The following COMMD10 variants were observed in gnomAD, a reference collection of about 807,000 sequenced individuals.
The protein encoded by COMMD10 is COMM domain containing 10, also known as COMM domain-containing protein 10.
COMMD10 carries 33 observed loss-of-function variants against 28.9 expected under a neutral mutation model. The ratio of observed to expected loss-of-function variants is 1.14; its 90% CI spans 0.87 to 1.53. The LOEUF is 1.53. COMMD10 is among the 40% of genes most tolerant of loss of function. The pLI is 0.00. For missense variants in COMMD10, 310 were observed against 233.4 expected, an observed-to-expected ratio of 1.33 and a Z score of -2.14; for synonymous variants, 110 against 81.7, an observed-to-expected ratio of 1.35 and a Z score of -1.87.
chr5:116,182,120 T>C (rs922359794), intron 5 of COMMD10, among the ~76,000 whole-genome samples: 4 of 151,960 alleles, frequency 2.6e-5, no homozygotes, highest in African/African-American at 9.7e-5. Flanking sequence ...GACATTGAAA[T>C]TGAGACCCAC....
chr5:116,251,588 C>A (rs919250720), intron 5 of COMMD10, among the ~76,000 whole-genome samples: 1 of 151,036 alleles, frequency 6.6e-6, no homozygotes, highest in African/African-American at 2.4e-5. Flanking sequence ...ATGATGATTT[C>A]CAATTTCATC....
At chr5:116,142,712 CTT>C (rs1384755367) in intron 5 of COMMD10, among the ~76,000 whole-genome samples, 1 of 151,698 alleles carries the variant, frequency 6.6e-6, no homozygotes, top group African/African-American at 2.4e-5. Context: ...AGCGCCCCCT[CTT>C]TTAAACTTTT....
intron 5 of COMMD10, among the ~76,000 whole-genome samples, chr5:116,212,253 C>T (rs1448301190): frequency 6.6e-6 from 1 of 152,064 alleles, no homozygotes; most frequent in Non-Finnish European, 1.5e-5. Context: ...GTCACAGCTA[C>T]AATTTGATAA....
intron 5 of COMMD10, among the ~76,000 whole-genome samples, chr5:116,222,202 C>A (rs1156670120): frequency 6.6e-6 from 1 of 152,164 alleles, no homozygotes; most frequent in Non-Finnish European, 1.5e-5. Flanking sequence ...TAATTTAAGT[C>A]TGTTACTCTA....
At chr5:116,221,076 A>G (rs907601492) in intron 5 of COMMD10, among the ~76,000 whole-genome samples, 4 of 124,706 alleles carry the variant, frequency 3.2e-5, no homozygotes, top group Non-Finnish European at 5.1e-5. Context: ...TCCCTTTGAG[A>G]TACTCTTTTT....
chr5:116,087,236 G>C (rs988001157), intron 1 of COMMD10, among the ~76,000 whole-genome samples: 1 of 152,114 alleles, frequency 6.6e-6, no homozygotes, highest in African/African-American at 2.4e-5. Context: ...GCAGTACAAG[G>C]TTTCCCTAGT....
At chr5:116,156,165 A>G (rs1752701220) in intron 5 of COMMD10, among the ~76,000 whole-genome samples, 1 of 152,100 alleles carries the variant, frequency 6.6e-6, no homozygotes, top group African/African-American at 2.4e-5. Context: ...CCAGTTCCAA[A>G]ATAACTCTGT....
intron 5 of COMMD10, among the ~76,000 whole-genome samples, chr5:116,262,200 C>T (rs1217865730): frequency 6.6e-6 from 1 of 151,506 alleles, no homozygotes; most frequent in Non-Finnish European, 1.5e-5. Flanking sequence ...CTGTTTGGAT[C>T]TAGTTGTGTA....
At chr5:116,182,636 G>C (rs1195961074) in intron 5 of COMMD10, among the ~76,000 whole-genome samples, 2 of 151,978 alleles carry the variant, frequency 1.3e-5, no homozygotes, top group African/African-American at 2.4e-5. Flanking sequence ...TATTTGGGGA[G>C]GTTTAAGGGA....
At chr5:116,241,125 T>C (rs978206728) in intron 5 of COMMD10, among the ~76,000 whole-genome samples, 2 of 152,256 alleles carry the variant, frequency 1.3e-5, no homozygotes, top group East Asian at 1.9e-4. Context: ...GAACTACTAA[T>C]TGAGGTTCAT....
intron 5 of COMMD10, among the ~76,000 whole-genome samples, chr5:116,285,425 A>G (rs956704067): frequency 2.0e-5 from 3 of 151,776 alleles, no homozygotes; most frequent in Non-Finnish European, 4.4e-5. Flanking sequence ...TTACTTCCCC[A>G]CAAAACAACT....
At chr5:116,211,074 T>C (rs6894690) in intron 5 of COMMD10, among the ~76,000 whole-genome samples, 148,811 of 152,130 alleles carry the variant, frequency 0.98, 72,871 homozygotes, top group East Asian at 1. Flanking sequence ...GAAAAAATTA[T>C]AATGGAATCA....
intron 4 of COMMD10, among the ~76,000 whole-genome samples, chr5:116,106,502 A>T (rs1750843942): frequency 1.3e-5 from 2 of 152,066 alleles, no homozygotes; most frequent in African/African-American, 2.4e-5. Context: ...TATTAAGTCC[A>T]CTTGGTCCAG....
chr5:116,229,736 T>C (rs541741174), intron 5 of COMMD10, among the ~76,000 whole-genome samples: 143 of 152,144 alleles, frequency 9.4e-4, no homozygotes, highest in Non-Finnish European at 1.8e-3. Flanking sequence ...GCACAATTTA[T>C]TTGTCCAGCA....
chr5:116,190,438 A>G (rs2112611093), intron 5 of COMMD10, among the ~76,000 whole-genome samples: 1 of 152,340 alleles, frequency 6.6e-6, no homozygotes, highest in East Asian at 1.9e-4. Flanking sequence ...TGGTACACAT[A>G]TGTACAGAAA....
intron 5 of COMMD10, among the ~76,000 whole-genome samples, chr5:116,249,806 TGGG>T (rs1005709634): frequency 9.9e-5 from 15 of 152,044 alleles, no homozygotes; most frequent in Admixed American, 8.5e-4. Flanking sequence ...ATTTGTGTTT[TGGG>T]GGGAATTCTT....
intron 5 of COMMD10, among the ~76,000 whole-genome samples, chr5:116,159,224 C>T (rs1752839215): frequency 6.6e-6 from 1 of 152,192 alleles, no homozygotes; most frequent in Non-Finnish European, 1.5e-5. Flanking sequence ...TAAACTCATG[C>T]TGCCTATTTG....
intron 4 of COMMD10, among the ~76,000 whole-genome samples, chr5:116,130,679 G>C (rs1033349041): frequency 2.6e-5 from 4 of 151,892 alleles, no homozygotes; most frequent in African/African-American, 9.7e-5. Flanking sequence ...TATTTAAGTG[G>C]CGACTCTAAT....
chr5:116,269,710 A>C (rs1403531608), intron 5 of COMMD10, among the ~76,000 whole-genome samples: 1 of 151,770 alleles, frequency 6.6e-6, no homozygotes, highest in African/African-American at 2.4e-5. Context: ...CCGTAAGCGC[A>C]CAAAAGAAAG....
Sources: gnomAD v4.1 joint callset for allele counts (sites outside exome capture counted in the v4.1 genomes callset) on GRCh38, gnomAD v4.1.1 for gene constraint, MANE v1.5 for transcripts, NCBI Gene and HGNC (gene_info 2026-07-23, HGNC 2026-07-21) for gene names.